The following VTI1A variants were observed in gnomAD, a reference collection of about 807,000 sequenced individuals.
VTI1A encodes the protein vesicle transport through interaction with t-SNAREs 1A, also known as vesicle transport through interaction with t-SNAREs homolog 1A.
A neutral mutation model predicts 34.9 loss-of-function variants in VTI1A; 22 were observed. The ratio of observed to expected loss-of-function variants is 0.63; its 90% CI spans 0.45 to 0.90. The LOEUF (loss-of-function observed/expected upper bound fraction) is 0.90, where lower values mean the gene tolerates loss of function less well. VTI1A is among the 40% of genes least tolerant of loss of function. The pLI, the probability that VTI1A is intolerant of heterozygous loss-of-function variation, is 0.00. For missense variants in VTI1A, 268 were observed against 275.6 expected, an observed-to-expected ratio of 0.97 and a Z score of 0.20; for synonymous variants, 87 against 97.3, an observed-to-expected ratio of 0.89 and a Z score of 0.62.
intron 7 of VTI1A, among the ~76,000 whole-genome samples, chr10:112,676,901 G>C (rs552055264): frequency 6.6e-6 from 1 of 152,218 alleles, no homozygotes; most frequent in African/African-American, 2.4e-5. Flanking sequence ...TTTCCGTCTC[G>C]CATCTCAGAT....
chr10:112,575,745 AT>A (rs1364461095), intron 5 of VTI1A, among the ~76,000 whole-genome samples: 3 of 152,254 alleles, frequency 2.0e-5, no homozygotes, highest in Admixed American at 2.0e-4. Flanking sequence ...AGGAACATTC[AT>A]AAAATCATTT....
chr10:112,569,787 T>G (rs551366362), intron 5 of VTI1A, among the ~76,000 whole-genome samples: 19 of 152,266 alleles, frequency 1.2e-4, no homozygotes, highest in Admixed American at 2.0e-4. Flanking sequence ...CAGATCAGAA[T>G]CTCTGGAGGT....
chr10:112,700,131 AAAAAC>A (rs1564889727), intron 7 of VTI1A, among the ~76,000 whole-genome samples: 2 of 140,098 alleles, frequency 1.4e-5, no homozygotes, highest in Admixed American at 6.8e-5. Context: ...AAAAAAAAAA[AAAAAC>A]AAAACAAAAA....
intron 7 of VTI1A, among the ~76,000 whole-genome samples, chr10:112,686,718 G>A (rs566638774): frequency 6.6e-6 from 1 of 152,224 alleles, no homozygotes; most frequent in East Asian, 1.9e-4. Context: ...TATATGCTCT[G>A]GACAGAATGA....
At position 112,618,524 on chromosome 10, in the gene VTI1A, T is replaced by TATATAGAGAGAGAG. The variant is rs748276058; in HGVS notation, c.428-49693_428-49692insTATAGAGAGAGAGA. On this transcript the variant is annotated intron_variant, in intron 5 of 7. Transcript: ENST00000393077. ...ATATATATATATATATATATATATA[T>TATATAGAGAGAGAG]AGAGAGAGAGAGAGAGAGAGAGAGT... Among the ~76,000 whole-genome samples the TATATAGAGAGAGAG allele has an allele frequency of 1.4e-3, 47 of 34,572 alleles. 1 individual carries two copies. The highest frequency in any genetic ancestry group is 3.4e-3 in the African/African-American group (21 of 6,144). The allele number at this position is 34,572 out of a possible 152,430, so 22.7% of individuals were successfully genotyped here. A position where few individuals can be genotyped will look rare whatever the true frequency, so the allele number is the denominator to read the frequency against.
intron 7 of VTI1A, among the ~76,000 whole-genome samples, chr10:112,778,723 A>G (rs781178948): frequency 2.2e-4 from 33 of 152,152 alleles, no homozygotes; most frequent in Non-Finnish European, 3.8e-4. Context: ...AGTTTAGTCA[A>G]TACTAACATA....
intron 7 of VTI1A, among the ~76,000 whole-genome samples, chr10:112,747,859 G>A (rs1375694802): frequency 6.6e-6 from 1 of 152,186 alleles, no homozygotes; most frequent in East Asian, 1.9e-4. Flanking sequence ...AATTTCCCTA[G>A]GAAGTTTTTG....
intron 5 of VTI1A, among the ~76,000 whole-genome samples, chr10:112,643,745 T>C (rs1846670165): frequency 6.6e-6 from 1 of 152,240 alleles, no homozygotes; most frequent in Admixed American, 6.5e-5. Context: ...CTTATTAATG[T>C]ACACACCTCC....
chr10:112,743,242 A>G (rs140345108), intron 7 of VTI1A, among the ~76,000 whole-genome samples: 321 of 152,350 alleles, frequency 2.1e-3, no homozygotes, highest in Non-Finnish European at 2.3e-3. Flanking sequence ...GCTCCCCTGC[A>G]ACAATGAGCA....
At chr10:112,823,295 G>A (rs577183413), downstream of VTI1A, among the ~76,000 whole-genome samples, 3 of 152,316 alleles carry the variant, frequency 2.0e-5, no homozygotes, top group African/African-American at 7.2e-5. Context: ...TTTAGATCGG[G>A]GCCGACTTGG....
At chr10:112,541,043 T>G (rs1850847724) in intron 5 of VTI1A, among the ~76,000 whole-genome samples, 1 of 152,226 alleles carries the variant, frequency 6.6e-6, no homozygotes, top group Admixed American at 6.5e-5. Flanking sequence ...TTCACAAGGC[T>G]ACAGTTATTT....
intron 5 of VTI1A, among the ~76,000 whole-genome samples, chr10:112,546,103 C>T (rs545157548): frequency 2.1e-5 from 3 of 145,180 alleles, no homozygotes; most frequent in East Asian, 2.1e-4. Context: ...TGTGTATATA[C>T]GTGTATACAC....
intron 5 of VTI1A, among the ~76,000 whole-genome samples, chr10:112,559,742 T>G (rs1252350478): frequency 6.6e-6 from 1 of 152,198 alleles, no homozygotes; most frequent in Admixed American, 6.5e-5. Context: ...AAAATGTTAA[T>G]TCTGTACACA....
chr10:112,724,114 G>A (rs1279557890), intron 7 of VTI1A, among the ~76,000 whole-genome samples: 1 of 152,076 alleles, frequency 6.6e-6, no homozygotes, highest in East Asian at 1.9e-4. Flanking sequence ...ATAGTTGTTT[G>A]CTAGTTGTGG....
intron 3 of VTI1A, among the ~76,000 whole-genome samples, chr10:112,473,179 G>A (rs555353833): frequency 6.7e-6 from 1 of 149,634 alleles, no homozygotes; most frequent in Non-Finnish European, 1.5e-5. Context: ...CATGATCTCA[G>A]CTCATTGCAA....
At chr10:112,676,651 G>C (rs997398072) in intron 7 of VTI1A, among the ~76,000 whole-genome samples, 1 of 152,250 alleles carries the variant, frequency 6.6e-6, no homozygotes, top group Middle Eastern at 3.4e-3. Context: ...CAACCTCCAA[G>C]CTAGCTTCAC....
At chr10:112,814,708 C>A (rs114241912) in intron 7 of VTI1A, among the ~76,000 whole-genome samples, 1 of 152,178 alleles carries the variant, frequency 6.6e-6, no homozygotes, top group African/African-American at 2.4e-5. Flanking sequence ...GCAAATGTAA[C>A]GTTTCCTCCT....
the VTI1A span, among the ~76,000 whole-genome samples, chr10:112,830,700 G>A: frequency 2.0e-5 from 3 of 149,914 alleles, no homozygotes; most frequent in Admixed American, 2.0e-4. Flanking sequence ...AGGAGATGGA[G>A]AAAACAGTTG....
chr10:112,501,176 A>G (rs554299422), intron 3 of VTI1A, among the ~76,000 whole-genome samples: 1 of 152,316 alleles, frequency 6.6e-6, no homozygotes, highest in South Asian at 2.1e-4. Context: ...TTGTTAAATG[A>G]AGAAACAGAT....
Sources: gnomAD v4.1 joint callset for allele counts (sites outside exome capture counted in the v4.1 genomes callset) on GRCh38, gnomAD v4.1.1 for gene constraint, MANE v1.5 for transcripts, NCBI Gene and HGNC (gene_info 2026-07-23, HGNC 2026-07-21) for gene names.